REL: variants seen among roughly 807,000 people sequenced by gnomAD.
REL encodes proto-oncogene c-Rel.
A neutral mutation model predicts 45.9 loss-of-function variants in REL; 15 were observed. The observed-to-expected ratio is 0.33, with a 90% confidence interval of 0.22 to 0.50. The LOEUF is 0.50. Ranked by LOEUF, REL falls within the 20% of genes least tolerant of loss-of-function variation. The pLI, the probability that REL is intolerant of heterozygous loss-of-function variation, is 0.98. For missense variants in REL, 601 were observed against 715.2 expected, an observed-to-expected ratio of 0.84 and a Z score of 1.82; for synonymous variants, 239 against 242.1, an observed-to-expected ratio of 0.99 and a Z score of 0.12.
intron 4 of REL, among the ~76,000 whole-genome samples, chr2:60,914,746 T>C (rs1026675993): frequency 1.3e-5 from 2 of 152,132 alleles, no homozygotes; most frequent in Non-Finnish European, 1.5e-5. Context: ...AATGGAAGCA[T>C]ACAGTATACT....
At chr2:60,895,705 A>G (rs1027790206) in intron 3 of REL, among the ~76,000 whole-genome samples, 2 of 152,228 alleles carry the variant, frequency 1.3e-5, no homozygotes, top group Non-Finnish European at 2.9e-5. Flanking sequence ...ATTTAACTAC[A>G]TGGCAAAAGC....
chr2:60,920,468 T>C, intron 8 of REL, 106 bp from the exon 9 acceptor site: 1 of 844,196 alleles, frequency 1.2e-6, no homozygotes. Flanking sequence ...CCCAAAGTGC[T>C]GGGATTACAG....
intron 3 of REL, chr2:60,900,388 A>G (rs1673460846): frequency 6.6e-6 from 1 of 152,356 alleles, no homozygotes; most frequent in Non-Finnish European, 1.5e-5. Context: ...AAATTTTACC[A>G]TTTAATATTG....
chr2:60,891,922 C>A, intron 2 of REL, 97 bp downstream of exon 2: 1 of 1,187,290 alleles, frequency 8.4e-7, no homozygotes, highest in East Asian at 2.6e-5. Flanking sequence ...ACAGTCATCT[C>A]CACAGGTTTA....
rs1674375969 is a variant in REL, at chr2:60,931,184, TCA to T, written c.*8652_*8653del. On this transcript the variant is annotated 3_prime_UTR_variant, in exon 10 of 10. Transcript: ENST00000394479. The stretch of plus-strand genomic sequence containing the variant: ...TTAGCTAATAATGTTGGTCACTGTC[TCA>T]CAGTTCAAGTAGCTTTAAGATGATG... The T allele has an allele frequency of 6.6e-6, 1 of 152,294 alleles. No individual in the cohort carries two copies. Among genetic ancestry groups the T allele is most frequent in the African/African-American group, 2.4e-5 (1 of 41,420 alleles). 9.4% of individuals were successfully genotyped at this position (152,294 alleles called of 1,614,324 possible).
At chr2:60,898,081 A>ACT (rs1558796698) in intron 3 of REL, among the ~76,000 whole-genome samples, 1 of 152,090 alleles carries the variant, frequency 6.6e-6, no homozygotes, top group Non-Finnish European at 1.5e-5. Context: ...GAATCTATCC[A>ACT]CTTCACTCAG....
In REL at chr2:60,894,472, C is replaced by T; in HGVS notation, c.229C>T (p.His77Tyr). The change falls in exon 3 of 10, where the codon CAT (histidine) becomes TAT (tyrosine). Residue 77 changes from histidine (H) to tyrosine (Y), a missense_variant. Coordinates refer to ENST00000394479, the MANE Select transcript of REL (RefSeq NM_001291746.2). ...GAATGACCCATATAAACCTCATCCT[C>T]ATGATTTAGTTGGAAAAGACTGCAG... ...TKNDPYKPHP[H>Y]DLVGKDCRDG... 5 of 1,609,074 alleles carry T rather than the reference C, an allele frequency of 3.1e-6. No homozygotes were observed. Among genetic ancestry groups the T allele is most frequent in the Non-Finnish European group, 3.4e-6 (4 of 1,177,216 alleles).
intron 4 of REL, among the ~76,000 whole-genome samples, chr2:60,915,812 T>A (rs1213848746): frequency 1.3e-5 from 2 of 152,356 alleles, no homozygotes; most frequent in South Asian, 2.1e-4. Context: ...TTATACTATA[T>A]TCTATCATGA....
intron 8 of REL, 54 bp from the exon 9 acceptor site, chr2:60,920,520 G>C (rs1320753296): frequency 7.3e-7 from 1 of 1,369,838 alleles, no homozygotes; most frequent in Non-Finnish European, 1.0e-6. Flanking sequence ...GATTTTAACT[G>C]ATAATGTTAT....
intron 4 of REL, among the ~76,000 whole-genome samples, chr2:60,914,916 C>T (rs1388082584): frequency 6.7e-6 from 1 of 150,356 alleles, no homozygotes; most frequent in African/African-American, 2.5e-5. Flanking sequence ...TCACTGCAAG[C>T]TCTGCCTCTC....
intron 8 of REL, 127 bp from the exon 9 acceptor site, chr2:60,920,420 TGAACTCCTGACATCAGGTGATCCACCC>T: frequency 1.5e-6 from 1 of 686,358 alleles, no homozygotes; most frequent in Non-Finnish European, 2.6e-6. Context: ...AGGATGGTCT[TGAACTCCTGACATCAGGTGATCCACCC>T]ACCTTGGCCT....
intron 1 of REL, among the ~76,000 whole-genome samples, chr2:60,891,012 A>G (rs919293399): frequency 1.3e-5 from 2 of 152,188 alleles, no homozygotes; most frequent in Non-Finnish European, 2.9e-5. Flanking sequence ...TTTAGTTATT[A>G]TAGAAAGTGA....
intron 1 of REL, among the ~76,000 whole-genome samples, chr2:60,884,588 T>C (rs960656487): frequency 6.6e-6 from 1 of 152,214 alleles, no homozygotes; most frequent in Admixed American, 6.5e-5. Flanking sequence ...ATAAGTAAAA[T>C]TAGATATTTT....
chr2:60,884,639 G>A (rs1673027298), intron 1 of REL, among the ~76,000 whole-genome samples: 1 of 152,074 alleles, frequency 6.6e-6, no homozygotes, highest in African/African-American at 2.4e-5. Context: ...AGTAAAAAGA[G>A]CAAAATGTCT....
intron 4 of REL, among the ~76,000 whole-genome samples, chr2:60,915,717 T>G (rs1393363966): frequency 2.0e-5 from 3 of 152,222 alleles, no homozygotes; most frequent in Non-Finnish European, 4.4e-5. Context: ...AAAATATGAC[T>G]TATTGCTATA....
chr2:60,900,873 G>A (rs570377988), intron 3 of REL, 119 bp from the exon 4 acceptor site: 20 of 833,128 alleles, frequency 2.4e-5, no homozygotes, highest in East Asian at 3.0e-5. Flanking sequence ...TTGGAAGCAC[G>A]TTCATGCTTT....
intron 1 of REL, among the ~76,000 whole-genome samples, chr2:60,891,000 A>G (rs1673195757): frequency 6.6e-6 from 1 of 152,180 alleles, no homozygotes; most frequent in Non-Finnish European, 1.5e-5. Context: ...CATATTTTGA[A>G]TTTTAGTTAT....
At chr2:60,917,328 C>T (rs1307747083) in intron 5 of REL, among the ~76,000 whole-genome samples, 3 of 152,064 alleles carry the variant, frequency 2.0e-5, no homozygotes, top group African/African-American at 7.2e-5. Context: ...TAAAAACTAA[C>T]TTTCTTCTTA....
At chr2:60,905,580 C>T (rs1215205057) in intron 4 of REL, among the ~76,000 whole-genome samples, 1 of 152,126 alleles carries the variant, frequency 6.6e-6, no homozygotes, top group African/African-American at 2.4e-5. Context: ...TTATCCGAGT[C>T]ACATGGCACC....
Sources: allele counts gnomAD v4.1 joint callset (sites outside exome capture counted in the v4.1 genomes callset), GRCh38; gene constraint gnomAD v4.1.1; transcripts MANE v1.5; gene names NCBI Gene and HGNC (gene_info 2026-07-23, HGNC 2026-07-21).